Variants in CNTNAP2 observed in about 807,000 individuals in gnomAD.
CNTNAP2 encodes contactin associated protein 2.
CNTNAP2 carries 98 observed loss-of-function variants against 155.2 expected under a neutral mutation model. The ratio of observed to expected loss-of-function variants is 0.63; its 90% CI spans 0.54 to 0.75. The LOEUF (loss-of-function observed/expected upper bound fraction) is 0.75, where lower values mean the gene tolerates loss of function less well. Among genes scored for constraint, CNTNAP2 ranks in the 30% least tolerant of loss-of-function variants. CNTNAP2 has a pLI of 0.00. For synonymous variants in CNTNAP2, 651 were observed against 631.2 expected, an observed-to-expected ratio of 1.03 and a Z score of -0.47; for missense variants, 1,727 against 1,688.1, an observed-to-expected ratio of 1.02 and a Z score of -0.40.
chr7:147,048,552 A>G (rs1056022823), intron 4 of CNTNAP2, among the ~76,000 whole-genome samples: 1 of 152,236 alleles, frequency 6.6e-6, no homozygotes, highest in Non-Finnish European at 1.5e-5. Flanking sequence ...TTTAGAAAAG[A>G]AAAGACAAAA....
At chr7:146,439,287 T>C (rs1796286860) in intron 1 of CNTNAP2, among the ~76,000 whole-genome samples, 2 of 151,740 alleles carry the variant, frequency 1.3e-5, no homozygotes, top group South Asian at 2.1e-4. Context: ...AGTATGCTTG[T>C]CAAAGTGTTT....
At chr7:148,366,343 A>G (rs1306798438) in intron 21 of CNTNAP2, among the ~76,000 whole-genome samples, 11 of 123,904 alleles carry the variant, frequency 8.9e-5, no homozygotes, top group Non-Finnish European at 3.6e-5. Flanking sequence ...GTCAAGCATA[A>G]TGTCAGAATT....
chr7:147,549,594 A>C (rs767159179), intron 11 of CNTNAP2, among the ~76,000 whole-genome samples: 4 of 152,194 alleles, frequency 2.6e-5, no homozygotes, highest in Non-Finnish European at 4.4e-5. Context: ...TGACCAGGTC[A>C]CAGCCATTCT....
chr7:148,294,039 CAAAAAAAAAAAAAAA>C (rs10607772), intron 21 of CNTNAP2, among the ~76,000 whole-genome samples: 1 of 70,026 alleles, frequency 1.4e-5, no homozygotes, highest in East Asian at 5.0e-4. Flanking sequence ...GGCTCCATCT[CAAAAAAAAAAAAAAA>C]AAAAAAAAAA....
intron 8 of CNTNAP2, among the ~76,000 whole-genome samples, chr7:147,284,174 C>G (rs1476912234): frequency 6.6e-6 from 1 of 151,528 alleles, no homozygotes. Context: ...TTTTTTTCCC[C>G]CCAAATCAAT....
At chr7:147,390,367 G>A (rs1796691122) in intron 9 of CNTNAP2, among the ~76,000 whole-genome samples, 2 of 152,164 alleles carry the variant, frequency 1.3e-5, no homozygotes, top group African/African-American at 4.8e-5. Context: ...GTGGCTCAAT[G>A]TAGTAATAAT....
At chr7:147,572,000 G>T (rs1800304068) in intron 12 of CNTNAP2, among the ~76,000 whole-genome samples, 1 of 152,132 alleles carries the variant, frequency 6.6e-6, no homozygotes, top group South Asian at 2.1e-4. Context: ...TAATCACTCA[G>T]CAAGTCCTGC....
intron 1 of CNTNAP2, among the ~76,000 whole-genome samples, chr7:146,701,004 T>C (rs2129173174): frequency 6.6e-6 from 1 of 151,984 alleles, no homozygotes; most frequent in South Asian, 2.1e-4. Flanking sequence ...GTTTAGGTTC[T>C]ATTTAATATT....
intron 8 of CNTNAP2, among the ~76,000 whole-genome samples, chr7:147,249,835 C>T (rs1007941539): frequency 6.6e-6 from 1 of 152,072 alleles, no homozygotes; most frequent in Non-Finnish European, 1.5e-5. Flanking sequence ...GCTGGAGGCT[C>T]CGTTTCTGAA....
At chr7:147,851,216 A>T (rs1302546334) in intron 13 of CNTNAP2, among the ~76,000 whole-genome samples, 4 of 152,104 alleles carry the variant, frequency 2.6e-5, no homozygotes, top group Non-Finnish European at 4.4e-5. Context: ...TCAAAACCAC[A>T]ATGAGATACC....
chr7:146,310,672 A>G (rs1003320295), intron 1 of CNTNAP2, among the ~76,000 whole-genome samples: 18 of 152,052 alleles, frequency 1.2e-4, no homozygotes, highest in Non-Finnish European at 4.4e-5. Context: ...TATTATTACC[A>G]TTGTGATTAC....
At chr7:146,793,213 A>G (rs538828082) in intron 2 of CNTNAP2, among the ~76,000 whole-genome samples, 3 of 152,346 alleles carry the variant, frequency 2.0e-5, no homozygotes, top group Non-Finnish European at 2.9e-5. Flanking sequence ...CACAACATTT[A>G]TGGTTTAAAC....
At chr7:146,769,284 G>A (rs903166438) in intron 1 of CNTNAP2, among the ~76,000 whole-genome samples, 2 of 152,090 alleles carry the variant, frequency 1.3e-5, no homozygotes, top group Non-Finnish European at 2.9e-5. Context: ...TTTTTCTTTC[G>A]CTCCTTCCCT....
chr7:146,206,637 A>G (rs1046269749), intron 1 of CNTNAP2, among the ~76,000 whole-genome samples: 1 of 152,006 alleles, frequency 6.6e-6, no homozygotes, highest in Non-Finnish European at 1.5e-5. Flanking sequence ...AGTACTTTAA[A>G]GAGGTGTTTC....
intron 10 of CNTNAP2, among the ~76,000 whole-genome samples, chr7:147,413,243 T>C (rs556032268): frequency 6.6e-6 from 1 of 152,332 alleles, no homozygotes; most frequent in East Asian, 1.9e-4. Context: ...AAATTTACTG[T>C]AGAGTGTTTT....
intron 15 of CNTNAP2, among the ~76,000 whole-genome samples, chr7:148,066,958 CT>C (rs1296270401): frequency 6.6e-6 from 1 of 151,894 alleles, no homozygotes; most frequent in African/African-American, 2.4e-5. Flanking sequence ...TTTTGATTGT[CT>C]TTTATTTATG....
chr7:147,134,961 A>T (rs550191756), intron 8 of CNTNAP2, among the ~76,000 whole-genome samples: 5 of 151,912 alleles, frequency 3.3e-5, no homozygotes, highest in African/African-American at 1.2e-4. Context: ...AAAGTAGTGC[A>T]CTGAGAAGGT....
At chr7:146,960,154 T>C (rs1023504730) in intron 3 of CNTNAP2, among the ~76,000 whole-genome samples, 13 of 152,186 alleles carry the variant, frequency 8.5e-5, no homozygotes, top group African/African-American at 2.7e-4. Context: ...TCCTAACTTA[T>C]GCCATCCTAC....
rs566672557 is a variant in CNTNAP2 at position 148,076,169 on chromosome 7, G to A, written c.2384-41949G>A. Among the ~76,000 whole-genome samples, 7 of 152,288 alleles carry A rather than the reference G, an allele frequency of 4.6e-5. No individual in the cohort carries two copies. In the East Asian group the frequency reaches 9.7e-4, roughly 21 times the overall value. On this transcript the variant is annotated intron_variant, in intron 15 of 23. Coordinates refer to ENST00000361727, the MANE Select transcript of CNTNAP2 (RefSeq NM_014141.6). Reference sequence around the variant, plus strand: ...CAGGAAGTCTACAGTTCAGATTCAAGGGTGGCAAATACTGTCCATGGAGAC... The same window carrying A: ...CAGGAAGTCTACAGTTCAGATTCAAAGGTGGCAAATACTGTCCATGGAGAC...
Sources: allele counts gnomAD v4.1 joint callset (sites outside exome capture counted in the v4.1 genomes callset), GRCh38; gene constraint gnomAD v4.1.1; transcripts MANE v1.5; gene names NCBI Gene and HGNC (gene_info 2026-07-23, HGNC 2026-07-21).